EFEMP1: variants seen among roughly 807,000 people sequenced by gnomAD.
EFEMP1 encodes the protein EGF-containing fibulin-like extracellular matrix protein 1.
A neutral mutation model predicts 65.7 loss-of-function variants in EFEMP1; 18 were observed. The ratio of observed to expected loss-of-function variants is 0.27; its 90% CI spans 0.19 to 0.41. EFEMP1 has a LOEUF of 0.41. EFEMP1 is among the 10% of genes least tolerant of loss of function. The probability of loss-of-function intolerance (pLI) is 1.00; values close to 1 mark genes in which losing one functional copy is unlikely to be tolerated. For missense variants in EFEMP1, 469 were observed against 624.8 expected (o/e 0.75, Z 2.66); for synonymous variants, 237 against 219.7 (o/e 1.08, Z -0.70).
chr2:55,893,878 G>T (rs1669721190), intron 5 of EFEMP1, among the ~76,000 whole-genome samples: 1 of 152,196 alleles, frequency 6.6e-6, no homozygotes, highest in Non-Finnish European at 1.5e-5. Context: ...ATCAACAGGA[G>T]CATCTATGGT....
intron 11 of EFEMP1, among the ~76,000 whole-genome samples, chr2:55,868,119 G>A (rs1008630857): frequency 6.6e-6 from 1 of 152,176 alleles, no homozygotes; most frequent in African/African-American, 2.4e-5. Context: ...TTGACTACAA[G>A]CTCCACGGGG....
chr2:55,880,026 G>C (rs1350417232), intron 6 of EFEMP1, among the ~76,000 whole-genome samples: 1 of 152,166 alleles, frequency 6.6e-6, no homozygotes, highest in African/African-American at 2.4e-5. Context: ...TGCCAGGAGG[G>C]AATGTTTTTG....
chr2:55,881,133 A>C (rs1451222209), intron 6 of EFEMP1, among the ~76,000 whole-genome samples: 1 of 152,196 alleles, frequency 6.6e-6, no homozygotes, highest in Non-Finnish European at 1.5e-5. Context: ...GCCTAGTATC[A>C]TCTCCACAGT....
At chr2:55,884,706 A>G (rs1449249143) in intron 5 of EFEMP1, among the ~76,000 whole-genome samples, 1 of 152,180 alleles carries the variant, frequency 6.6e-6, no homozygotes, top group Admixed American at 6.5e-5. Flanking sequence ...ATCTAGGACA[A>G]ATTACTATGG....
rs1024438793 is a variant in EFEMP1 at position 55,919,860 on chromosome 2, C to G, written c.82-1593G>C. ...AACTTTAACATCAGTGCTGAATGCTCCACTTATTTTCCTTCCATCTCTGCT... is the reference window on the plus strand; with the variant it reads ...AACTTTAACATCAGTGCTGAATGCTGCACTTATTTTCCTTCCATCTCTGCT... On this transcript the variant is annotated intron_variant, in intron 3 of 11. Coordinates refer to ENST00000355426, the MANE Select transcript of EFEMP1 (RefSeq NM_001039348.3). The surrounding 1 kb of genome is among the most constrained non-coding windows in gnomAD (Gnocchi z 4.5). Among the ~76,000 whole-genome samples, 2 of 152,196 alleles carry G rather than the reference C, an allele frequency of 1.3e-5. No individual in the cohort carries two copies. Among genetic ancestry groups the G allele is most frequent in the Admixed American group, 1.3e-4 (2 of 15,272 alleles).
chr2:55,874,263 A>G (rs1371523280), intron 9 of EFEMP1, among the ~76,000 whole-genome samples: 3 of 150,522 alleles, frequency 2.0e-5, no homozygotes, highest in Non-Finnish European at 3.0e-5. Flanking sequence ...TTTATCTGAC[A>G]GTCCTTTCCC....
intron 5 of EFEMP1, among the ~76,000 whole-genome samples, chr2:55,910,368 C>T (rs1461765974): frequency 6.6e-6 from 1 of 152,146 alleles, no homozygotes; most frequent in South Asian, 2.1e-4. Flanking sequence ...CTGGAAAAAG[C>T]AACATGCTAA....
intron 5 of EFEMP1, among the ~76,000 whole-genome samples, chr2:55,904,576 A>G (rs1208189902): frequency 3.9e-5 from 6 of 152,224 alleles, no homozygotes; most frequent in African/African-American, 7.2e-5. Flanking sequence ...AAAGAGTCAG[A>G]GGAAGGATTA....
chr2:55,905,652 T>C (rs1670232210), intron 5 of EFEMP1, among the ~76,000 whole-genome samples: 1 of 152,152 alleles, frequency 6.6e-6, no homozygotes, highest in South Asian at 2.1e-4. Context: ...TTTCATCGTG[T>C]TGGTCAGGCT....
rs1337301801 is a variant in EFEMP1 at position 55,922,250 on chromosome 2, A to T, written c.81+110T>A. Reference sequence around the variant, plus strand: ...GCATGAATGAAGTGTTGTTTAATTTATCACCCTCAGCAGAGTATAGCCCAA... The same window carrying T: ...GCATGAATGAAGTGTTGTTTAATTTTTCACCCTCAGCAGAGTATAGCCCAA... On this transcript the variant is annotated intron_variant, in intron 3 of 11. Coordinates refer to ENST00000355426, the MANE Select transcript of EFEMP1 (RefSeq NM_001039348.3). The surrounding 1 kb of genome is among the most constrained non-coding windows in gnomAD (Gnocchi z 5.5). 1.6e-5 allele frequency: 16 copies of T among 997,400 alleles called. No individual in the cohort carries two copies. The highest frequency in any genetic ancestry group is 2.4e-5 in the Non-Finnish European group (15 of 629,852). 61.8% of individuals were successfully genotyped at this position (997,400 alleles called of 1,614,324 possible).
In EFEMP1 at chr2:55,922,600, C is replaced by A. The variant is rs1361872634; in HGVS notation, c.-7-153G>T. ...AATCTGCTTTCTCATCTCCCCTCCC[C>A]CTCCTGAACCTTCTCGGTAGCCAAC... On this transcript the variant is annotated intron_variant, in intron 2 of 11. Coordinates refer to ENST00000355426, the MANE Select transcript of EFEMP1 (RefSeq NM_001039348.3). This position sits in a 1 kb window ranked among gnomAD's most constrained non-coding sequence, Gnocchi z 5.5. 4 of 722,448 alleles carry A rather than the reference C, an allele frequency of 5.5e-6. No homozygotes were observed. Among genetic ancestry groups the A allele is most frequent in the Non-Finnish European group, 9.5e-6 (4 of 421,904 alleles). The allele number at this position is 722,448 out of a possible 1,614,324, so 44.8% of individuals were successfully genotyped here.
rs1369435906 is a variant in EFEMP1 at position 55,866,196 on chromosome 2, G to A, written c.*877C>T. ...AATTTTAGTTATAAATTAGTGAAGTGTTAGGATTTAAATTTTACTTAGAAA... is the reference window on the plus strand; with the variant it reads ...AATTTTAGTTATAAATTAGTGAAGTATTAGGATTTAAATTTTACTTAGAAA... On this transcript the variant is annotated 3_prime_UTR_variant, in exon 12 of 12. Transcript: ENST00000355426. 1 of 152,114 alleles carries A rather than the reference G, an allele frequency of 6.6e-6. No homozygotes were observed. The highest frequency in any genetic ancestry group is 1.5e-5 in the Non-Finnish European group (1 of 68,024). 9.4% of individuals were successfully genotyped at this position (152,114 alleles called of 1,614,324 possible).
In EFEMP1 at chr2:55,905,595, C is replaced by T. The variant is rs2104433189; in HGVS notation, c.517+12070G>A. ...CCTGAGTAGCTGGGGACTACAGCCGCATGCCACCACCCCTGGCTAATTTTT... is the reference window on the plus strand; with the variant it reads ...CCTGAGTAGCTGGGGACTACAGCCGTATGCCACCACCCCTGGCTAATTTTT... On this transcript the variant is annotated intron_variant, in intron 5 of 11. Coordinates refer to ENST00000355426, the MANE Select transcript of EFEMP1 (RefSeq NM_001039348.3). Among the ~76,000 whole-genome samples the T allele has an allele frequency of 1.3e-5, 2 of 152,184 alleles. 1 individual carries two copies. Among genetic ancestry groups the T allele is most frequent in the South Asian group, 4.1e-4 (2 of 4,822 alleles).
rs1437721590 is a variant in EFEMP1 at position 55,866,935 on chromosome 2, G to C, written c.*138C>G. The C allele has an allele frequency of 9.0e-7, 1 of 1,106,934 alleles. No individual in the cohort carries two copies. The highest frequency in any genetic ancestry group is 1.6e-5 in the African/African-American group (1 of 63,544). The allele number at this position is 1,106,934 out of a possible 1,614,324, so 68.6% of individuals were successfully genotyped here. The stretch of plus-strand genomic sequence containing the variant: ...TATTAAATGCCCACTTTATACCATG[G>C]TGTAATTGTTTGAATTATGGGTGAG... On this transcript the variant is annotated 3_prime_UTR_variant, in exon 12 of 12. Coordinates refer to ENST00000355426, the MANE Select transcript of EFEMP1 (RefSeq NM_001039348.3).
intron 9 of EFEMP1, among the ~76,000 whole-genome samples, chr2:55,872,470 C>T (rs1668846576): frequency 6.6e-6 from 1 of 152,120 alleles, no homozygotes; most frequent in African/African-American, 2.4e-5. Context: ...TGCAATAGAG[C>T]ATCTGGCTTT....
At chr2:55,879,999 A>C (rs930861013) in intron 6 of EFEMP1, among the ~76,000 whole-genome samples, 1 of 152,216 alleles carries the variant, frequency 6.6e-6, no homozygotes, top group Non-Finnish European at 1.5e-5. Flanking sequence ...CTAGGATTTG[A>C]CAGTGAAATA....
chr2:55,895,115 A>G (rs1260086617), intron 5 of EFEMP1, among the ~76,000 whole-genome samples: 1 of 152,040 alleles, frequency 6.6e-6, no homozygotes, highest in Non-Finnish European at 1.5e-5. Context: ...TCTCTAGTGC[A>G]CTCCTTGCAG....
At chr2:55,906,381 G>A (rs13019797) in intron 5 of EFEMP1, among the ~76,000 whole-genome samples, 49,175 of 151,426 alleles carry the variant, frequency 0.32, 9,271 homozygotes, top group African/African-American at 0.52. Context: ...GTGCCATCAC[G>A]CCCAGCTAAT....
intron 5 of EFEMP1, among the ~76,000 whole-genome samples, chr2:55,915,778 A>G (rs886736785): frequency 1.1e-4 from 16 of 152,244 alleles, no homozygotes; most frequent in African/African-American, 3.6e-4. Flanking sequence ...ATATAACTAA[A>G]TAACACAATT....
Sources: gnomAD v4.1 joint callset for allele counts (sites outside exome capture counted in the v4.1 genomes callset) on GRCh38, gnomAD v4.1.1 for gene constraint, Gnocchi (gnomAD v3.1) non-coding constraint, MANE v1.5 for transcripts, NCBI Gene and HGNC (gene_info 2026-07-23, HGNC 2026-07-21) for gene names.